The following ITPR2 variants were observed in gnomAD, a reference collection of about 807,000 sequenced individuals.
ITPR2 encodes inositol 1,4,5-trisphosphate-gated calcium channel ITPR2.
In ITPR2, 207 loss-of-function variants were observed where a neutral mutation model predicts 317.1. The ratio of observed to expected loss-of-function variants is 0.65; its 90% CI spans 0.58 to 0.73. The LOEUF is 0.73. Among genes scored for constraint, ITPR2 ranks in the 30% least tolerant of loss-of-function variants. The pLI is 0.00. For missense variants in ITPR2, 2,613 were observed against 3,284.0 expected (o/e 0.80, Z 4.99); for synonymous variants, 1,156 against 1,149.1 (o/e 1.01, Z -0.12).
intron 45 of ITPR2, among the ~76,000 whole-genome samples, chr12:26,461,181 A>G (rs1591804107): frequency 6.6e-6 from 1 of 152,184 alleles, no homozygotes; most frequent in African/African-American, 2.4e-5. Context: ...GTATGTGTGT[A>G]TGTGTGTGTT....
At chr12:26,634,884 C>CAA (rs55985706) in intron 21 of ITPR2, among the ~76,000 whole-genome samples, 138 of 58,520 alleles carry the variant, frequency 2.4e-3, no homozygotes, top group East Asian at 3.5e-3. Flanking sequence ...GACTTCATCT[C>CAA]AAAAAAAAAA....
chr12:26,706,586 T>C (rs1447760871), intron 9 of ITPR2, among the ~76,000 whole-genome samples: 2 of 152,136 alleles, frequency 1.3e-5, no homozygotes, highest in East Asian at 1.9e-4. Flanking sequence ...TCTGACCCCC[T>C]GACCATTTCT....
At chr12:26,764,693 A>T (rs143045600) in intron 2 of ITPR2, among the ~76,000 whole-genome samples, 1 of 145,926 alleles carries the variant, frequency 6.9e-6, no homozygotes, top group African/African-American at 2.4e-5. Flanking sequence ...TGGATTTCTA[A>T]ATAAAGCCCA....
At chr12:26,411,299 C>A in intron 52 of ITPR2, 21 bp downstream of exon 52, 5 of 1,540,176 alleles carry the variant, frequency 3.2e-6, no homozygotes, top group African/African-American at 1.4e-5. Flanking sequence ...TTCATACTGA[C>A]CCAGAGTCCT....
chr12:26,461,173 ATG>A (rs1942010147), intron 45 of ITPR2, among the ~76,000 whole-genome samples: 8 of 152,144 alleles, frequency 5.3e-5, no homozygotes, highest in Admixed American at 5.2e-4. Context: ...GTCTATGGGT[ATG>A]TGTGTATGTG....
At position 26,658,097 on chromosome 12, in the gene ITPR2, A is replaced by G. The variant is rs1947414851; in HGVS notation, c.1920T>C (p.Ser640=). 6.2e-7 allele frequency: 1 copy of G among 1,607,042 alleles called. No homozygotes were observed. Among genetic ancestry groups the G allele is most frequent in the East Asian group, 2.2e-5 (1 of 44,756 alleles). Residue 640 remains serine (S), a synonymous_variant, in exon 17 of 57, where the codon TCT becomes TCC. Transcript: ENST00000381340. ...FLDYLSDLCV[S]NTTAIPVTQE... The stretch of plus-strand genomic sequence containing the variant: ...GAGTTACAGGGATAGCAGTGGTATT[A>G]GACACACACAGATCTGACAAATAAT...
intron 2 of ITPR2, among the ~76,000 whole-genome samples, chr12:26,729,356 G>A (rs1948989728): frequency 6.6e-6 from 1 of 152,128 alleles, no homozygotes; most frequent in Non-Finnish European, 1.5e-5. Flanking sequence ...CTTCTACACT[G>A]TTGGTGGGAG....
At chr12:26,548,672 C>T (rs1256875105) in intron 37 of ITPR2, among the ~76,000 whole-genome samples, 1 of 152,126 alleles carries the variant, frequency 6.6e-6, no homozygotes, top group Non-Finnish European at 1.5e-5. Flanking sequence ...GTGTCCTTTA[C>T]ATCACATCTT....
intron 37 of ITPR2, among the ~76,000 whole-genome samples, chr12:26,508,332 TG>T (rs1294884027): frequency 4.6e-5 from 7 of 152,348 alleles, no homozygotes; most frequent in South Asian, 4.1e-4. Context: ...CTTCCCAGTA[TG>T]TGGCATCACT....
chr12:26,794,671 A>G (rs1950399892), intron 1 of ITPR2, among the ~76,000 whole-genome samples: 1 of 152,370 alleles, frequency 6.6e-6, no homozygotes, highest in South Asian at 2.1e-4. Flanking sequence ...CCAAATGACA[A>G]CTATAATCTA....
intron 43 of ITPR2, among the ~76,000 whole-genome samples, chr12:26,478,211 G>A (rs898877151): frequency 6.6e-6 from 1 of 152,100 alleles, no homozygotes; most frequent in Non-Finnish European, 1.5e-5. Context: ...TAATAGTGAC[G>A]ATGATGAAGA....
intron 21 of ITPR2, among the ~76,000 whole-genome samples, chr12:26,644,158 A>C (rs1429303543): frequency 1.3e-5 from 2 of 152,206 alleles, no homozygotes; most frequent in African/African-American, 4.8e-5. Flanking sequence ...TAGCGGCCAA[A>C]AAGATTTCAA....
intron 48 of ITPR2, among the ~76,000 whole-genome samples, chr12:26,429,655 C>T (rs918787976): frequency 1.2e-4 from 19 of 152,184 alleles, no homozygotes; most frequent in African/African-American, 4.6e-4. Context: ...CTAGACCTAT[C>T]GCCATGCCTG....
chr12:26,816,121 A>ACTG (rs1378588297), intron 1 of ITPR2, among the ~76,000 whole-genome samples: 1 of 149,292 alleles, frequency 6.7e-6, no homozygotes, highest in Non-Finnish European at 1.5e-5. Context: ...AAAAAGGTGT[A>ACTG]CTGCAAAATG....
intron 55 of ITPR2, among the ~76,000 whole-genome samples, chr12:26,375,860 A>AG (rs1939323506): frequency 6.6e-6 from 1 of 152,238 alleles, no homozygotes; most frequent in East Asian, 1.9e-4. Flanking sequence ...GCACTTTGGA[A>AG]GGCCAATGTG....
In ITPR2 at chr12:26,654,070, T is replaced by C; in HGVS notation, c.2646A>G (p.Leu882=). Residue 882 remains leucine, a synonymous_variant, in exon 21 of 57, where the codon TTA becomes TTG. Transcript: ENST00000381340. The part of the protein sequence containing the change: ...IYFGFYSFSE[L]LRLTRTLLAI... ...CCAGAAGTGTTCTTGTTAGCCTTAA[T>C]AACTCACTGAAACTATAAAATCCAA... The C allele has an allele frequency of 7.3e-7, 1 of 1,372,760 alleles. No homozygotes were observed. Among genetic ancestry groups the C allele is most frequent in the Non-Finnish European group, 9.6e-7 (1 of 1,037,798 alleles). 85.0% of individuals were successfully genotyped at this position (1,372,760 alleles called of 1,614,324 possible).
chr12:26,517,140 T>C (rs996169784), intron 37 of ITPR2, among the ~76,000 whole-genome samples: 12 of 151,966 alleles, frequency 7.9e-5, no homozygotes, highest in Non-Finnish European at 1.8e-4. Flanking sequence ...AAGAGAAAAA[T>C]TCTAAAGAGA....
chr12:26,669,249 CAA>C (rs1385248260), intron 13 of ITPR2, among the ~76,000 whole-genome samples: 1 of 151,334 alleles, frequency 6.6e-6, no homozygotes, highest in South Asian at 2.1e-4. Flanking sequence ...CAGATACTAG[CAA>C]AGAGAACTAT....
chr12:26,439,550 T>C (rs79456201), intron 46 of ITPR2, among the ~76,000 whole-genome samples: 7,078 of 152,298 alleles, frequency 0.046, 234 homozygotes, highest in South Asian at 0.17. Context: ...TTGCTTAAAA[T>C]AACAAAAACT....
Sources: gnomAD v4.1 joint callset for allele counts (sites outside exome capture counted in the v4.1 genomes callset) on GRCh38, gnomAD v4.1.1 for gene constraint, MANE v1.5 for transcripts, NCBI Gene and HGNC (gene_info 2026-07-23, HGNC 2026-07-21) for gene names.